FGF12: variants seen among roughly 807,000 people sequenced by gnomAD.
The protein encoded by FGF12 is fibroblast growth factor 12.
In FGF12, 14 loss-of-function variants were observed where a neutral mutation model predicts 23.6. That is an observed-to-expected ratio of 0.59 (90% confidence interval 0.39 to 0.93). The LOEUF is 0.93. Among genes scored for constraint, FGF12 ranks in the 40% least tolerant of loss-of-function variants. The pLI, the probability that FGF12 is intolerant of heterozygous loss-of-function variation, is 0.00. For synonymous variants in FGF12, 62 were observed against 77.3 expected, an observed-to-expected ratio of 0.80 and a Z score of 1.04; for missense variants, 175 against 217.8, an observed-to-expected ratio of 0.80 and a Z score of 1.24.
chr3:192,308,039 A>T (rs1422041888), intron 4 of FGF12, among the ~76,000 whole-genome samples: 1 of 152,228 alleles, frequency 6.6e-6, no homozygotes, highest in East Asian at 1.9e-4. Context: ...TTAAGAAATG[A>T]ATTTTTACTA....
In FGF12 at chr3:192,707,194, C is replaced by T. The variant is rs894825516; in HGVS notation, c.13+19987G>A. Among the ~76,000 whole-genome samples, 5 of 152,142 alleles carry T rather than the reference C, an allele frequency of 3.3e-5. No homozygotes were observed. The South Asian group carries it at 1.0e-3, about 32-fold the overall frequency. ...AATAGTTGTAGCTCCAGAAATGCCA[C>T]CCTTTGAACTGATGCAGAAGTCTCT... On this transcript the variant is annotated intron_variant, in intron 2 of 5. Coordinates refer to ENST00000445105, the MANE Select transcript of FGF12 (RefSeq NM_004113.6).
At chr3:192,556,296 C>A (rs756856702) in intron 2 of FGF12, among the ~76,000 whole-genome samples, 2 of 152,068 alleles carry the variant, frequency 1.3e-5, no homozygotes, top group African/African-American at 2.4e-5. Flanking sequence ...GATTTAAGGA[C>A]ACACACAGAC....
At chr3:192,349,637 C>T (rs974621308) in intron 3 of FGF12, among the ~76,000 whole-genome samples, 1 of 151,896 alleles carries the variant, frequency 6.6e-6, no homozygotes, top group African/African-American at 2.4e-5. Context: ...TGTAACACTG[C>T]GAAAGTGTCT....
intron 2 of FGF12, among the ~76,000 whole-genome samples, chr3:192,469,076 G>A (rs1455328380): frequency 1.3e-5 from 2 of 152,130 alleles, no homozygotes; most frequent in African/African-American, 4.8e-5. Flanking sequence ...AGGCTCCTGT[G>A]TTCTTTTGAC....
chr3:192,220,857 G>T (rs563204483), intron 4 of FGF12, among the ~76,000 whole-genome samples: 1 of 152,280 alleles, frequency 6.6e-6, no homozygotes, highest in East Asian at 1.9e-4. Context: ...ATAGTCTACT[G>T]AAGATGATAA....
intron 3 of FGF12, among the ~76,000 whole-genome samples, chr3:192,337,235 A>T (rs559224610): frequency 6.6e-6 from 1 of 152,304 alleles, no homozygotes; most frequent in South Asian, 2.1e-4. Context: ...ACAGAAGTTC[A>T]GGAAAATGGA....
chr3:192,220,315 C>G (rs907731317), intron 4 of FGF12, among the ~76,000 whole-genome samples: 1 of 152,178 alleles, frequency 6.6e-6, no homozygotes, highest in East Asian at 1.9e-4. Flanking sequence ...TTCTCCTTCA[C>G]CATTCTACTT....
rs557136216 is a variant in FGF12, at chr3:192,250,795, T to A, written c.229-80139A>T. Among the ~76,000 whole-genome samples, 120 of 152,244 alleles carry A rather than the reference T, an allele frequency of 7.9e-4. 1 individual carries two copies. Among genetic ancestry groups the A allele is most frequent in the African/African-American group, 2.5e-3 (104 of 41,564 alleles). On this transcript the variant is annotated intron_variant, in intron 4 of 5. Coordinates refer to ENST00000445105, the MANE Select transcript of FGF12 (RefSeq NM_004113.6). ...ATAAATCTATTTTGAAGGTTTTTTT[T>A]TAATTTCTGGTAGACTAGAAAGGAA...
chr3:192,669,138 C>T (rs1324072826), intron 2 of FGF12, among the ~76,000 whole-genome samples: 3 of 151,952 alleles, frequency 2.0e-5, no homozygotes, highest in Non-Finnish European at 2.9e-5. Context: ...TACGCTAAAT[C>T]GTATATGTTA....
intron 4 of FGF12, among the ~76,000 whole-genome samples, chr3:192,233,147 T>C (rs1330165192): frequency 6.6e-6 from 1 of 152,236 alleles, no homozygotes. Flanking sequence ...CCACAATGGG[T>C]GAACTACTTT....
intron 2 of FGF12, among the ~76,000 whole-genome samples, chr3:192,662,570 G>A (rs1716712450): frequency 6.6e-6 from 1 of 152,148 alleles, no homozygotes; most frequent in Non-Finnish European, 1.5e-5. Flanking sequence ...TCTACAAAGA[G>A]GAGCCCTTGA....
chr3:192,354,831 G>A (rs955628608), intron 3 of FGF12, among the ~76,000 whole-genome samples: 4 of 152,016 alleles, frequency 2.6e-5, no homozygotes, highest in East Asian at 3.9e-4. Flanking sequence ...TCAGGCTTCC[G>A]AGTAGCTGGA....
At chr3:192,169,600 T>TA (rs566803935) in intron 5 of FGF12, among the ~76,000 whole-genome samples, 38 of 152,274 alleles carry the variant, frequency 2.5e-4, no homozygotes, top group African/African-American at 9.1e-4. Context: ...CAAGCTTGAC[T>TA]AAGCCACAGA....
At chr3:192,618,378 T>C (rs992143171) in intron 2 of FGF12, among the ~76,000 whole-genome samples, 6 of 152,002 alleles carry the variant, frequency 3.9e-5, no homozygotes, top group African/African-American at 1.4e-4. Context: ...CTCAAGTCCA[T>C]CAAGTTCTGG....
At chr3:192,393,144 A>G (rs115627401) in intron 2 of FGF12, among the ~76,000 whole-genome samples, 2,965 of 152,266 alleles carry the variant, frequency 0.019, 101 homozygotes, top group African/African-American at 0.068. Flanking sequence ...GGCCTATGTC[A>G]TTGGTAAGGT....
At chr3:192,542,892 G>A (rs1352533970) in intron 2 of FGF12, among the ~76,000 whole-genome samples, 1 of 152,126 alleles carries the variant, frequency 6.6e-6, no homozygotes, top group Non-Finnish European at 1.5e-5. Flanking sequence ...AACTAGGCTA[G>A]AAGAGAGGTG....
intron 2 of FGF12, among the ~76,000 whole-genome samples, chr3:192,708,417 A>C (rs1718554295): frequency 6.6e-6 from 1 of 152,200 alleles, no homozygotes; most frequent in African/African-American, 2.4e-5. Flanking sequence ...AAGTGCTATA[A>C]AAATTAAATA....
chr3:192,215,855 T>C (rs570418970), intron 4 of FGF12, among the ~76,000 whole-genome samples: 1 of 152,370 alleles, frequency 6.6e-6, no homozygotes, highest in South Asian at 2.1e-4. Flanking sequence ...AAGTCTCATC[T>C]AACGTCCAGC....
At chr3:192,256,458 T>C (rs1013945403) in intron 4 of FGF12, among the ~76,000 whole-genome samples, 5 of 151,628 alleles carry the variant, frequency 3.3e-5, no homozygotes, top group African/African-American at 1.2e-4. Flanking sequence ...CTTATAAATA[T>C]AAATTGTACA....
Sources: allele counts gnomAD v4.1 joint callset (sites outside exome capture counted in the v4.1 genomes callset), GRCh38; gene constraint gnomAD v4.1.1; transcripts MANE v1.5; gene names NCBI Gene and HGNC (gene_info 2026-07-23, HGNC 2026-07-21).